PARD3B: variants seen among roughly 807,000 people sequenced by gnomAD.
The protein encoded by PARD3B is par-3 family cell polarity regulator beta.
Under a neutral mutation model 130.2 loss-of-function variants are expected in PARD3B, and 103 were observed. That is an observed-to-expected ratio of 0.79 (90% CI 0.67 to 0.93). PARD3B has a LOEUF of 0.93. Ranked by LOEUF, PARD3B falls within the 40% of genes least tolerant of loss-of-function variation. The probability of loss-of-function intolerance (pLI) is 0.00; values close to 1 mark genes in which losing one functional copy is unlikely to be tolerated. For missense variants in PARD3B, 1,609 were observed against 1,499.2 expected (o/e 1.07, Z -1.21); for synonymous variants, 583 against 553.2 (o/e 1.05, Z -0.76).
In PARD3B at chr2:205,618,410, G is replaced by A. The variant is rs2055499907; in HGVS notation, c.*2597G>A. 6.6e-6 allele frequency: 1 copy of A among 152,158 alleles called. No individual in the cohort carries two copies. Among genetic ancestry groups the A allele is most frequent in the Non-Finnish European group, 1.5e-5 (1 of 68,040 alleles). The allele number at this position is 152,158 out of a possible 1,614,324, so 9.4% of individuals were successfully genotyped here. On this transcript the variant is annotated 3_prime_UTR_variant, in exon 23 of 23. Coordinates refer to ENST00000406610, the MANE Select transcript of PARD3B (RefSeq NM_001302769.2). ...TCTTTCCCAGCATTTAGGGGAACAG[G>A]CTTTTAGAGTATTTAGAAGACCAGG...
intron 2 of PARD3B, among the ~76,000 whole-genome samples, chr2:204,812,094 G>T (rs2042982084): frequency 1.3e-5 from 2 of 152,150 alleles, no homozygotes; most frequent in Admixed American, 6.5e-5. Flanking sequence ...ATATTAGTTT[G>T]CACATCCTAC....
At chr2:204,691,747 T>TTTTAGGTATTTAGGTG (rs2037364848) in intron 2 of PARD3B, among the ~76,000 whole-genome samples, 2 of 152,118 alleles carry the variant, frequency 1.3e-5, no homozygotes, top group Non-Finnish European at 2.9e-5. Flanking sequence ...CATTAGATGT[T>TTTTAGGTATTTAGGTG]TTTAGGTATT....
intron 19 of PARD3B, among the ~76,000 whole-genome samples, chr2:205,419,983 T>C (rs2046911096): frequency 6.6e-6 from 1 of 152,184 alleles, no homozygotes; most frequent in African/African-American, 2.4e-5. Context: ...TCGAAAGATT[T>C]GCGGCCAAGA....
intron 19 of PARD3B, among the ~76,000 whole-genome samples, chr2:205,417,490 T>C (rs575232432): frequency 3.0e-4 from 46 of 152,298 alleles, no homozygotes; most frequent in African/African-American, 9.1e-4. Flanking sequence ...TTCTAGATCC[T>C]TGAGGAATCC....
In PARD3B at chr2:205,575,113, A is replaced by ACACGCG. The variant is rs141496657; in HGVS notation, c.3260+21711_3260+21712insACGCGC. 1.6e-4 allele frequency among the ~76,000 whole-genome samples: 20 copies of ACACGCG among 126,286 alleles called. No homozygotes were observed. The highest frequency in any genetic ancestry group is 3.8e-3 in the Middle Eastern group (1 of 264). 82.8% of individuals were successfully genotyped at this position (126,286 alleles called of 152,430 possible). A position where few individuals can be genotyped will look rare whatever the true frequency, so the allele number is the denominator to read the frequency against. ...CACACACACACACACACACACACAC[A>ACACGCG]CGCGTACACTATATATAAAAATATA... On this transcript the variant is annotated intron_variant, in intron 22 of 22. Transcript: ENST00000406610. The surrounding 1 kb of genome is among the most constrained non-coding windows in gnomAD (Gnocchi z 4.6).
In PARD3B at chr2:205,562,538, A is replaced by C. The variant is rs1387122784; in HGVS notation, c.3260+9135A>C. Among the ~76,000 whole-genome samples, 4 of 152,166 alleles carry C rather than the reference A, an allele frequency of 2.6e-5. No individual in the cohort carries two copies. On this transcript the variant is annotated intron_variant, in intron 22 of 22. Transcript: ENST00000406610. The surrounding 1 kb of genome is among the most constrained non-coding windows in gnomAD (Gnocchi z 5.4). ...AATCTGACATTACCTTGGACATGAA[A>C]TCTATTAAGCTTGGTAAGCTGACTT...
At chr2:205,388,226 T>C (rs1334863202) in intron 18 of PARD3B, among the ~76,000 whole-genome samples, 1 of 152,220 alleles carries the variant, frequency 6.6e-6, no homozygotes, top group African/African-American at 2.4e-5. Context: ...TTTCTTTTGT[T>C]ATTCTGTGAG....
intron 2 of PARD3B, among the ~76,000 whole-genome samples, chr2:204,964,850 G>A (rs1050862534): frequency 3.3e-5 from 5 of 152,114 alleles, no homozygotes; most frequent in Admixed American, 6.6e-5. Context: ...TAGGGAAGGT[G>A]GGGTAGTGGG....
At chr2:204,671,341 A>T (rs961518075) in intron 1 of PARD3B, among the ~76,000 whole-genome samples, 2 of 152,038 alleles carry the variant, frequency 1.3e-5, no homozygotes, top group African/African-American at 4.8e-5. Flanking sequence ...TTGCCTCTCG[A>T]TGAGTGAGAT....
intron 4 of PARD3B, among the ~76,000 whole-genome samples, chr2:205,079,612 T>C (rs904111123): frequency 6.6e-6 from 1 of 152,054 alleles, no homozygotes; most frequent in African/African-American, 2.4e-5. Context: ...TACTGTTGCA[T>C]TGGGGATTCA....
chr2:204,568,839 C>G (rs567771730), intron 1 of PARD3B, among the ~76,000 whole-genome samples: 1 of 151,568 alleles, frequency 6.6e-6, no homozygotes, highest in Non-Finnish European at 1.5e-5. Context: ...CCTTTAATCC[C>G]GACTACTCGG....
rs182036926 is a variant in PARD3B, at chr2:204,940,043, A to G, written c.223-25109A>G. Among the ~76,000 whole-genome samples the G allele has an allele frequency of 9.2e-5, 14 of 152,322 alleles. 1 individual carries two copies. Among genetic ancestry groups the G allele is most frequent in the African/African-American group, 2.4e-4 (10 of 41,578 alleles). Reference sequence around the variant, plus strand: ...AAGAAAGATAAGCATTGCTTTCACAATGATCCTTTTGGAAAAATATTCATA... The same window carrying G: ...AAGAAAGATAAGCATTGCTTTCACAGTGATCCTTTTGGAAAAATATTCATA... On this transcript the variant is annotated intron_variant, in intron 2 of 22. Coordinates refer to ENST00000406610, the MANE Select transcript of PARD3B (RefSeq NM_001302769.2).
chr2:205,234,888 C>A (rs1316270390), intron 15 of PARD3B, among the ~76,000 whole-genome samples: 2 of 152,056 alleles, frequency 1.3e-5, no homozygotes, highest in Non-Finnish European at 2.9e-5. Flanking sequence ...AGAAAGAAAT[C>A]TGGAAAATCT....
chr2:205,346,163 C>T (rs1239284971), intron 18 of PARD3B, among the ~76,000 whole-genome samples: 1 of 127,464 alleles, frequency 7.8e-6, no homozygotes, highest in East Asian at 2.4e-4. Context: ...CACAGTGAGA[C>T]TCCGTCTCAA....
At chr2:204,945,697 T>C (rs746623787) in intron 2 of PARD3B, among the ~76,000 whole-genome samples, 1 of 152,178 alleles carries the variant, frequency 6.6e-6, no homozygotes, top group Non-Finnish European at 1.5e-5. Flanking sequence ...GTTATTAGGA[T>C]GGAAGGTCTA....
intron 3 of PARD3B, among the ~76,000 whole-genome samples, chr2:205,033,941 G>T (rs1327545736): frequency 6.6e-6 from 1 of 152,166 alleles, no homozygotes; most frequent in Non-Finnish European, 1.5e-5. Flanking sequence ...TAGCATCGTT[G>T]TTGGTGTCAC....
intron 4 of PARD3B, among the ~76,000 whole-genome samples, chr2:205,099,961 C>T (rs1393686926): frequency 6.6e-6 from 1 of 152,098 alleles, no homozygotes; most frequent in Non-Finnish European, 1.5e-5. Context: ...GACATGATTT[C>T]TCCAAATGTG....
chr2:204,651,437 C>G (rs1257959180), intron 1 of PARD3B, among the ~76,000 whole-genome samples: 1 of 152,264 alleles, frequency 6.6e-6, no homozygotes, highest in Non-Finnish European at 1.5e-5. Flanking sequence ...TCCGTTAACT[C>G]TGTGTCTCAC....
rs1396676339 is a variant in PARD3B, at chr2:205,238,847, A to AT, written c.2141-6931_2141-6930insT. 3.8e-4 allele frequency among the ~76,000 whole-genome samples: 28 copies of AT among 73,576 alleles called. 1 individual carries two copies. Among genetic ancestry groups the AT allele is most frequent in the South Asian group, 5.2e-4 (1 of 1,930 alleles). 48.3% of individuals were successfully genotyped at this position (73,576 alleles called of 152,430 possible). On this transcript the variant is annotated intron_variant, in intron 15 of 22. Coordinates refer to ENST00000406610, the MANE Select transcript of PARD3B (RefSeq NM_001302769.2). ...AAAAACTCCGTTTCAAAAAAAAAAA[A>AT]AAATATATATATATATATATATATA... is the stretch of plus-strand genomic sequence containing the variant.
Sources: allele counts gnomAD v4.1 joint callset (sites outside exome capture counted in the v4.1 genomes callset), GRCh38; gene constraint gnomAD v4.1.1; non-coding constraint Gnocchi (gnomAD v3.1); transcripts MANE v1.5; gene names NCBI Gene and HGNC (gene_info 2026-07-23, HGNC 2026-07-21).